The following PTPRD variants were observed in gnomAD, a reference collection of about 807,000 sequenced individuals.
The protein encoded by PTPRD is receptor-type tyrosine-protein phosphatase delta.
Under a neutral mutation model 214.5 loss-of-function variants are expected in PTPRD, and 34 were observed. The observed-to-expected ratio is 0.16, with a 90% CI of 0.12 to 0.21. The LOEUF (loss-of-function observed/expected upper bound fraction) is 0.21. PTPRD is among the 10% of genes least tolerant of loss of function. The probability of loss-of-function intolerance (pLI) is 1.00; values close to 1 mark genes in which losing one functional copy is unlikely to be tolerated. For missense variants in PTPRD, 2,545 were observed against 2,398.7 expected (o/e 1.06, Z -1.27); for synonymous variants, 1,128 against 845.7 (o/e 1.33, Z -5.79).
At chr9:10,233,002 G>C (rs1366904289) in intron 3 of PTPRD, among the ~76,000 whole-genome samples, 1 of 152,000 alleles carries the variant, frequency 6.6e-6, no homozygotes. Flanking sequence ...CTTAAAACAA[G>C]CATCAGGAAT....
chr9:9,433,783 T>C (rs1172561077), intron 8 of PTPRD, among the ~76,000 whole-genome samples: 4 of 152,150 alleles, frequency 2.6e-5, no homozygotes, highest in South Asian at 2.1e-4. Context: ...AAAATGGCCA[T>C]TGCATGTAAG....
chr9:10,361,416 C>T (rs768833364), intron 2 of PTPRD, among the ~76,000 whole-genome samples: 4 of 152,008 alleles, frequency 2.6e-5, no homozygotes, highest in Non-Finnish European at 5.9e-5. Context: ...TGTGAACCAC[C>T]GATGTAGACA....
chr9:9,776,063 G>T lies in PTPRD; in HGVS notation c.-367-9212C>A, dbSNP rs75030974. Among the ~76,000 whole-genome samples, 97 of 147,572 alleles carry T rather than the reference G, an allele frequency of 6.6e-4. 1 individual carries two copies. In the East Asian group the frequency reaches 0.017, roughly 25 times the overall value. Reference sequence around the variant, plus strand: ...TTAATATAAGCACTTTCTAGTAAAAGATTTCATCAAGTGAGTGACTCCTGC... The same window carrying T: ...TTAATATAAGCACTTTCTAGTAAAATATTTCATCAAGTGAGTGACTCCTGC... On this transcript the variant is annotated intron_variant, in intron 5 of 45. Transcript: ENST00000381196.
rs561702856 is a variant in PTPRD at position 9,777,318 on chromosome 9, C to T, written c.-367-10467G>A. 4.8e-3 allele frequency among the ~76,000 whole-genome samples: 691 copies of T among 144,282 alleles called. 5 individuals carry two copies. Among genetic ancestry groups the T allele is most frequent in the Middle Eastern group, 0.017 (5 of 286 alleles). 94.7% of individuals were successfully genotyped at this position (144,282 alleles called of 152,430 possible). A position where few individuals can be genotyped will look rare whatever the true frequency, so the allele number is the denominator to read the frequency against. ...TCCCCAACACAAATAAAAATATGCA[C>T]ATACATGCACACACACACACACACA... On this transcript the variant is annotated intron_variant, in intron 5 of 45. Transcript: ENST00000381196.
In PTPRD at chr9:10,563,129, G is replaced by A. The variant is rs186629799; in HGVS notation, c.-600+49269C>T. On this transcript the variant is annotated intron_variant, in intron 2 of 45. Coordinates refer to ENST00000381196, the MANE Select transcript of PTPRD (RefSeq NM_002839.4). ...CCCACTTGTCATGGAAAATTGCTCT[G>A]AATACCAGAAACATGCTAGGACAAA... is the stretch of plus-strand genomic sequence containing the variant. Among the ~76,000 whole-genome samples, 147 of 152,232 alleles carry A rather than the reference G, an allele frequency of 9.7e-4. 1 individual carries two copies. The highest frequency in any genetic ancestry group is 1.5e-3 in the Non-Finnish European group (103 of 68,004).
At chr9:9,202,168 G>C (rs1373045130) in intron 9 of PTPRD, among the ~76,000 whole-genome samples, 1 of 152,160 alleles carries the variant, frequency 6.6e-6, no homozygotes, top group African/African-American at 2.4e-5. Flanking sequence ...GGAAAGCCTA[G>C]ACAGTTTGTC....
At chr9:10,027,108 G>A (rs1341353804) in intron 4 of PTPRD, among the ~76,000 whole-genome samples, 1 of 152,156 alleles carries the variant, frequency 6.6e-6, no homozygotes, top group East Asian at 1.9e-4. Context: ...CCATTGATAG[G>A]AATTAGAGTC....
intron 7 of PTPRD, among the ~76,000 whole-genome samples, chr9:9,642,429 T>A (rs1191044891): frequency 6.6e-6 from 1 of 152,166 alleles, no homozygotes; most frequent in Non-Finnish European, 1.5e-5. Flanking sequence ...AAAAATAAGT[T>A]AATCACTTAT....
At chr9:9,454,641 C>A (rs532102408) in intron 8 of PTPRD, among the ~76,000 whole-genome samples, 2 of 151,710 alleles carry the variant, frequency 1.3e-5, no homozygotes, top group South Asian at 4.1e-4. Context: ...CCAAGAACAG[C>A]ATACTTTACA....
chr9:9,233,187 C>A (rs1033642828), intron 9 of PTPRD, among the ~76,000 whole-genome samples: 1 of 152,084 alleles, frequency 6.6e-6, no homozygotes, highest in Non-Finnish European at 1.5e-5. Flanking sequence ...GGCGAGGCCT[C>A]AGGAAACTCA....
At chr9:8,371,405 G>GTT (rs2081471005) in intron 39 of PTPRD, among the ~76,000 whole-genome samples, 1 of 151,836 alleles carries the variant, frequency 6.6e-6, no homozygotes, top group African/African-American at 2.4e-5. Context: ...CATAAGCCAT[G>GTT]ACTCATGCCT....
intron 39 of PTPRD, 36 bp downstream of exon 39, chr9:8,375,900 C>A: frequency 6.3e-7 from 1 of 1,591,156 alleles, no homozygotes. Flanking sequence ...ATTTAGCTTT[C>A]TGTTTCCTGA....
chr9:9,444,375 A>G (rs1199883178), intron 8 of PTPRD, among the ~76,000 whole-genome samples: 2 of 152,162 alleles, frequency 1.3e-5, no homozygotes, highest in Admixed American at 6.5e-5. Flanking sequence ...AGTTATGTAA[A>G]TCCTTCAAAC....
intron 5 of PTPRD, among the ~76,000 whole-genome samples, chr9:9,803,064 T>G (rs1025141093): frequency 6.6e-6 from 1 of 151,942 alleles, no homozygotes; most frequent in African/African-American, 2.4e-5. Context: ...TTGCAGCATA[T>G]GCATATCGGT....
At chr9:9,368,947 T>C (rs1022945570) in intron 9 of PTPRD, among the ~76,000 whole-genome samples, 6 of 152,078 alleles carry the variant, frequency 3.9e-5, no homozygotes, top group African/African-American at 1.4e-4. Flanking sequence ...GTGTAGGATG[T>C]TCCCCTTCCT....
At chr9:9,400,522 A>G (rs545686466) in intron 8 of PTPRD, among the ~76,000 whole-genome samples, 5 of 151,204 alleles carry the variant, frequency 3.3e-5, no homozygotes, top group Non-Finnish European at 7.4e-5. Flanking sequence ...TTATCTAACC[A>G]AAAAAAAAGT....
chr9:10,170,871 A>T (rs2099199296), intron 3 of PTPRD, among the ~76,000 whole-genome samples: 1 of 152,136 alleles, frequency 6.6e-6, no homozygotes, highest in South Asian at 2.1e-4. Context: ...CATTCATAAC[A>T]ACATTTTTTA....
chr9:9,750,021 G>A (rs1162974516), intron 6 of PTPRD, among the ~76,000 whole-genome samples: 1 of 152,128 alleles, frequency 6.6e-6, no homozygotes, highest in East Asian at 1.9e-4. Context: ...GGGTTTTGAA[G>A]ATGGGTATTT....
chr9:8,462,108 T>G (rs1409348385), intron 32 of PTPRD, among the ~76,000 whole-genome samples: 2 of 152,040 alleles, frequency 1.3e-5, no homozygotes, highest in African/African-American at 4.8e-5. Flanking sequence ...AGATCTTCAT[T>G]TCCAATCATT....
Sources: allele counts gnomAD v4.1 joint callset (sites outside exome capture counted in the v4.1 genomes callset), GRCh38; gene constraint gnomAD v4.1.1; transcripts MANE v1.5; gene names NCBI Gene and HGNC (gene_info 2026-07-23, HGNC 2026-07-21).